The following AVEN variants were observed in gnomAD, a reference collection of about 807,000 sequenced individuals.
The protein encoded by AVEN is cell death regulator Aven.
In AVEN, 41 loss-of-function variants were observed where a neutral mutation model predicts 38.1. The observed-to-expected ratio is 1.08, with a 90% CI of 0.84 to 1.40. The LOEUF (loss-of-function observed/expected upper bound fraction) is 1.40, where lower values mean the gene tolerates loss of function less well. Ranked by LOEUF, AVEN falls within the 40% of genes most tolerant of loss-of-function variation. The pLI is 0.00. For synonymous variants in AVEN, 206 were observed against 171.8 expected (o/e 1.20, Z -1.56); for missense variants, 605 against 438.8 (o/e 1.38, Z -3.38).
rs528185336 is a variant in AVEN at position 33,919,285 on chromosome 15, T to G, written c.446-43290A>C. ...GCAGAAGAAAAATAAATCCCAGAATTTATTTTTCAATACTCCAAATTTCAA... is the reference window on the plus strand; with the variant it reads ...GCAGAAGAAAAATAAATCCCAGAATGTATTTTTCAATACTCCAAATTTCAA... On this transcript the variant is annotated intron_variant, in intron 2 of 5. Transcript: ENST00000306730. Among the ~76,000 whole-genome samples, 82 of 152,288 alleles carry G rather than the reference T, an allele frequency of 5.4e-4. No individual in the cohort carries two copies. In the South Asian group the frequency reaches 0.012, roughly 22 times the overall value.
chr15:34,037,144 C>T (rs2140787477), intron 1 of AVEN, among the ~76,000 whole-genome samples: 1 of 152,032 alleles, frequency 6.6e-6, no homozygotes, highest in African/African-American at 2.4e-5. Flanking sequence ...ATCATTTCAC[C>T]CAATTTAATT....
chr15:34,015,606 G>C (rs974949589), intron 1 of AVEN, among the ~76,000 whole-genome samples: 20 of 152,086 alleles, frequency 1.3e-4, no homozygotes, highest in Non-Finnish European at 2.8e-4. Flanking sequence ...TCGGTCTTTA[G>C]GAGCTAAGAA....
intron 4 of AVEN, among the ~76,000 whole-genome samples, chr15:33,870,490 T>C (rs759635113): frequency 5.9e-5 from 9 of 152,216 alleles, no homozygotes; most frequent in African/African-American, 9.6e-5. Flanking sequence ...GAAACTGATT[T>C]ACTCTAAAAG....
chr15:33,857,334 C>A (rs1284352115), downstream of AVEN, among the ~76,000 whole-genome samples: 3 of 152,114 alleles, frequency 2.0e-5, no homozygotes, highest in Non-Finnish European at 2.9e-5. Context: ...CGTCCCTTCA[C>A]GTGTGCCTGT....
At chr15:33,911,948 A>G (rs1461512668) in intron 2 of AVEN, among the ~76,000 whole-genome samples, 5 of 152,210 alleles carry the variant, frequency 3.3e-5, no homozygotes, top group Admixed American at 6.5e-5. Flanking sequence ...TGGATCTCCC[A>G]ATAACAGTAT....
chr15:33,872,039 C>CT (rs1223193303), intron 3 of AVEN, among the ~76,000 whole-genome samples: 1 of 152,198 alleles, frequency 6.6e-6, no homozygotes, highest in Non-Finnish European at 1.5e-5. Context: ...CTGGCAGCCA[C>CT]TTGGCAGTTG....
At chr15:33,977,497 C>A (rs1040802020) in intron 2 of AVEN, among the ~76,000 whole-genome samples, 6 of 152,130 alleles carry the variant, frequency 3.9e-5, no homozygotes, top group Non-Finnish European at 8.8e-5. Flanking sequence ...GCTATGACAG[C>A]GTGCTTTGAT....
intron 2 of AVEN, among the ~76,000 whole-genome samples, chr15:33,891,572 T>C (rs139386982): frequency 0.039 from 6,003 of 152,264 alleles, 348 homozygotes; most frequent in South Asian, 0.14. Context: ...ATCCTTTTTA[T>C]GGCTGCATAG....
chr15:34,013,926 G>T (rs74790073), intron 1 of AVEN, among the ~76,000 whole-genome samples: 2,557 of 152,266 alleles, frequency 0.017, 84 homozygotes, highest in African/African-American at 0.058. Flanking sequence ...TCTTCCGCCT[G>T]CTGACTCTTC....
intron 2 of AVEN, among the ~76,000 whole-genome samples, chr15:33,904,903 G>A (rs1240563299): frequency 6.6e-6 from 1 of 151,822 alleles, no homozygotes; most frequent in East Asian, 1.9e-4. Flanking sequence ...GCCGAGGCGG[G>A]TGGATCACCT....
At chr15:33,991,297 A>T (rs1896712698) in intron 2 of AVEN, 1 of 152,206 alleles carries the variant, frequency 6.6e-6, no homozygotes, top group African/African-American at 2.4e-5. Context: ...TATTTTGCAA[A>T]ACAAGAATGA....
At chr15:33,917,609 G>A (rs1186104126) in intron 2 of AVEN, among the ~76,000 whole-genome samples, 3 of 149,710 alleles carry the variant, frequency 2.0e-5, no homozygotes, top group Non-Finnish European at 3.0e-5. Context: ...ATACACACAT[G>A]GAATATACAT....
At chr15:34,059,696 G>C (rs57205845) in intron 5 of AVEN, among the ~76,000 whole-genome samples, 24,354 of 152,026 alleles carry the variant, frequency 0.16, 2,398 homozygotes, top group South Asian at 0.27. Flanking sequence ...TCTGGCACTA[G>C]CATCCCCAGC....
chr15:33,990,432 A>G (rs945640872), intron 2 of AVEN, among the ~76,000 whole-genome samples: 10 of 152,200 alleles, frequency 6.6e-5, no homozygotes, highest in African/African-American at 2.4e-4. Context: ...TTGATGATGC[A>G]GCCAGTTGTC....
At chr15:33,949,441 G>A (rs1894645530) in intron 2 of AVEN, among the ~76,000 whole-genome samples, 1 of 152,130 alleles carries the variant, frequency 6.6e-6, no homozygotes, top group South Asian at 2.1e-4. Flanking sequence ...TAATGTTTGA[G>A]GTGATGGATA....
intron 2 of AVEN, among the ~76,000 whole-genome samples, chr15:33,984,460 T>C (rs545633220): frequency 1.3e-5 from 2 of 151,934 alleles, no homozygotes; most frequent in African/African-American, 4.8e-5. Flanking sequence ...TGGAGTGCAA[T>C]GGCATGATCT....
At chr15:33,917,385 C>T (rs1184440529) in intron 2 of AVEN, among the ~76,000 whole-genome samples, 2 of 86 alleles carry the variant, frequency 0.023, no homozygotes, top group African/African-American at 0.062. Flanking sequence ...TATACACACA[C>T]ACACACACAC....
chr15:33,990,223 CA>C (rs1278019856), intron 2 of AVEN, among the ~76,000 whole-genome samples: 2 of 147,720 alleles, frequency 1.4e-5, no homozygotes, highest in African/African-American at 5.0e-5. Flanking sequence ...CAAAACAAAA[CA>C]AAAAAAACTT....
chr15:33,997,786 T>C (rs567621580), intron 2 of AVEN, among the ~76,000 whole-genome samples: 12 of 152,294 alleles, frequency 7.9e-5, no homozygotes, highest in African/African-American at 2.9e-4. Flanking sequence ...TTTGCTCTGC[T>C]AAACTGTAAT....
Sources: gnomAD v4.1 joint callset for allele counts (sites outside exome capture counted in the v4.1 genomes callset) on GRCh38, gnomAD v4.1.1 for gene constraint, MANE v1.5 for transcripts, NCBI Gene and HGNC (gene_info 2026-07-23, HGNC 2026-07-21) for gene names.